SMAD3: variants seen among roughly 807,000 people sequenced by gnomAD.
The protein encoded by SMAD3 is SMAD family member 3, also known as MAD homolog 3.
Under a neutral mutation model 51.8 loss-of-function variants are expected in SMAD3, and 12 were observed. That is an observed-to-expected ratio of 0.23 (90% CI 0.15 to 0.38). The LOEUF is 0.38. SMAD3 is among the 10% of genes least tolerant of loss of function. SMAD3 has a pLI of 1.00. For missense variants in SMAD3, 294 were observed against 565.6 expected (o/e 0.52, Z 4.87); for synonymous variants, 238 against 227.7 (o/e 1.05, Z -0.41).
At chr15:67,082,905 A>G (rs1960308322) in intron 1 of SMAD3, among the ~76,000 whole-genome samples, 1 of 152,196 alleles carries the variant, frequency 6.6e-6, no homozygotes, top group African/African-American at 2.4e-5. Context: ...TGATTAAAAG[A>G]GTTACAGTTT....
At chr15:67,187,275 C>A in intron 7 of SMAD3, 90 bp from the exon 8 acceptor site, 1 of 1,497,728 alleles carries the variant, frequency 6.7e-7, no homozygotes, top group Non-Finnish European at 9.3e-7. Flanking sequence ...TGAGGCTGGT[C>A]TAGGGGGTCC....
At chr15:67,166,257 G>A (rs1962585428) in intron 3 of SMAD3, 3 of 786,106 alleles carry the variant, frequency 3.8e-6, no homozygotes, top group Non-Finnish European at 4.7e-6. Context: ...GTCTGGGGGA[G>A]GTTTCAGAGA....
chr15:67,193,902 G>T lies in SMAD3; in HGVS notation c.*3366G>T, dbSNP rs566415298. 5 of 233,288 alleles carry T rather than the reference G, an allele frequency of 2.1e-5. No homozygotes were observed. The highest frequency in any genetic ancestry group is 1.1e-4 in the African/African-American group (5 of 45,468). The allele number at this position is 233,288 out of a possible 1,614,324, so 14.5% of individuals were successfully genotyped here. ...TAGTGTGTGCATGGCATGCACGTAT[G>T]TAAGTAATCTGGGGAAGAAGCAAAG... On this transcript the variant is annotated 3_prime_UTR_variant, in exon 9 of 9. Transcript: ENST00000327367.
chr15:67,119,195 G>C (rs963704770), intron 1 of SMAD3, among the ~76,000 whole-genome samples: 7 of 152,204 alleles, frequency 4.6e-5, no homozygotes, highest in Admixed American at 3.9e-4. Context: ...GACATTGAAG[G>C]TGAGTGACGA....
intron 4 of SMAD3, among the ~76,000 whole-genome samples, chr15:67,168,285 T>C (rs1962646548): frequency 1.3e-5 from 2 of 152,234 alleles, no homozygotes; most frequent in Non-Finnish European, 2.9e-5. Flanking sequence ...GACTCGCATG[T>C]ACATTGTAGT....
rs1389914140 is a variant in SMAD3 at position 67,191,830 on chromosome 15, T to A, written c.*1294T>A. 4.3e-6 allele frequency: 1 copy of A among 230,058 alleles called. No individual in the cohort carries two copies. Among genetic ancestry groups the A allele is most frequent in the East Asian group, 6.2e-5 (1 of 16,166 alleles). The allele number at this position is 230,058 out of a possible 1,614,324, so 14.3% of individuals were successfully genotyped here. A position where few individuals can be genotyped will look rare whatever the true frequency, so the allele number is the denominator to read the frequency against. ...CTTCCCCCTGGGATATAAGATGATC[T>A]AGCTCCCGGTAGAGGATCACCGGTG... On this transcript the variant is annotated 3_prime_UTR_variant, in exon 9 of 9. Coordinates refer to ENST00000327367, the MANE Select transcript of SMAD3 (RefSeq NM_005902.4).
chr15:67,175,243 G>C, intron 5 of SMAD3, among the ~76,000 whole-genome samples: 1 of 152,216 alleles, frequency 6.6e-6, no homozygotes, highest in Middle Eastern at 3.2e-3. Flanking sequence ...TAATGTACCA[G>C]GGAGAGCCCT....
chr15:67,133,092 C>T (rs1961564889), intron 1 of SMAD3, among the ~76,000 whole-genome samples: 1 of 152,188 alleles, frequency 6.6e-6, no homozygotes. Context: ...CTGTATTACG[C>T]CCAGGGCAGA....
chr15:67,088,658 G>A (rs183467594), intron 1 of SMAD3, among the ~76,000 whole-genome samples: 4 of 152,260 alleles, frequency 2.6e-5, no homozygotes, highest in East Asian at 1.9e-4. Context: ...GGCCGGGTGC[G>A]GTGGCTCACG....
intron 1 of SMAD3, among the ~76,000 whole-genome samples, chr15:67,120,634 G>T (rs1961237427): frequency 1.3e-5 from 2 of 152,182 alleles, no homozygotes; most frequent in South Asian, 4.1e-4. Flanking sequence ...AACACTCCGT[G>T]GAGAGTGTGG....
intron 1 of SMAD3, among the ~76,000 whole-genome samples, chr15:67,116,141 G>A (rs1239615676): frequency 2.0e-5 from 3 of 152,228 alleles, no homozygotes; most frequent in Non-Finnish European, 4.4e-5. Context: ...TAGTTGCCTT[G>A]TGCATCCTTG....
intron 1 of SMAD3, among the ~76,000 whole-genome samples, chr15:67,142,494 T>G (rs1961857480): frequency 6.6e-6 from 1 of 152,184 alleles, no homozygotes; most frequent in African/African-American, 2.4e-5. Flanking sequence ...CTCCCACCTT[T>G]GTTTCTCCCC....
At chr15:67,129,610 CTGG>C (rs1961473921) in intron 1 of SMAD3, among the ~76,000 whole-genome samples, 1 of 152,196 alleles carries the variant, frequency 6.6e-6, no homozygotes, top group Non-Finnish European at 1.5e-5. Context: ...CAGGCATCCA[CTGG>C]TGGTCTTGGA....
intron 7 of SMAD3, chr15:67,186,890 G>A (rs566938177): frequency 8.4e-6 from 3 of 357,848 alleles, no homozygotes; most frequent in South Asian, 4.2e-5. Context: ...CGGCCAGCCC[G>A]TCTCTGGGGG....
chr15:67,170,680 G>T (rs1156566273), intron 5 of SMAD3, 76 bp downstream of exon 5: 2 of 1,310,688 alleles, frequency 1.5e-6, no homozygotes, highest in Middle Eastern at 1.8e-4. Flanking sequence ...TGGGGAGGGG[G>T]CCCTGAAGGT....
At chr15:67,146,535 C>T (rs915615459) in intron 1 of SMAD3, among the ~76,000 whole-genome samples, 1 of 152,112 alleles carries the variant, frequency 6.6e-6, no homozygotes, top group Non-Finnish European at 1.5e-5. Flanking sequence ...TCAGTGCAGA[C>T]TTAGGAGAGG....
chr15:67,149,430 T>G (rs1003386382), intron 1 of SMAD3, among the ~76,000 whole-genome samples: 2 of 152,142 alleles, frequency 1.3e-5, no homozygotes, highest in Non-Finnish European at 2.9e-5. Context: ...CTGGAACCCT[T>G]TGCTTGTTCC....
intron 1 of SMAD3, among the ~76,000 whole-genome samples, chr15:67,156,479 G>C (rs1201155779): frequency 6.6e-6 from 1 of 152,216 alleles, no homozygotes; most frequent in Non-Finnish European, 1.5e-5. Flanking sequence ...AAGAATCTGA[G>C]TCATGCAGCC....
chr15:67,171,488 G>T (rs189258317), intron 5 of SMAD3, among the ~76,000 whole-genome samples: 1 of 152,224 alleles, frequency 6.6e-6, no homozygotes, highest in Admixed American at 6.5e-5. Context: ...TTTATATTCT[G>T]GTCTGGTAGT....
Sources: gnomAD v4.1 joint callset for allele counts (sites outside exome capture counted in the v4.1 genomes callset) on GRCh38, gnomAD v4.1.1 for gene constraint, MANE v1.5 for transcripts, NCBI Gene and HGNC (gene_info 2026-07-23, HGNC 2026-07-21) for gene names.